Variants in ABLIM3 observed in about 807,000 individuals in gnomAD.
The protein encoded by ABLIM3 is actin binding LIM protein family member 3, also known as actin-binding LIM protein 3.
Under a neutral mutation model 109.5 loss-of-function variants are expected in ABLIM3, and 61 were observed. The observed-to-expected ratio is 0.56, with a 90% CI of 0.45 to 0.69. The LOEUF is 0.69. ABLIM3 is among the 30% of genes least tolerant of loss of function. The probability of loss-of-function intolerance (pLI) is 0.00; values close to 1 mark genes in which losing one functional copy is unlikely to be tolerated. For synonymous variants in ABLIM3, 300 were observed against 324.8 expected, an observed-to-expected ratio of 0.92 and a Z score of 0.82; for missense variants, 796 against 889.5, an observed-to-expected ratio of 0.89 and a Z score of 1.34.
At chr5:149,163,153 G>C (rs1754529779) in intron 2 of ABLIM3, among the ~76,000 whole-genome samples, 1 of 152,212 alleles carries the variant, frequency 6.6e-6, no homozygotes, top group African/African-American at 2.4e-5. Context: ...ACTGGAGGTG[G>C]TGGGAGTCCG....
At chr5:149,178,340 T>A (rs955688804) in intron 2 of ABLIM3, among the ~76,000 whole-genome samples, 2 of 152,072 alleles carry the variant, frequency 1.3e-5, no homozygotes, top group African/African-American at 4.8e-5. Context: ...CCTGCATGGT[T>A]ATGTGTGGCA....
At position 149,221,515 on chromosome 5, in the gene ABLIM3, G is replaced by T. The variant is rs187157321; in HGVS notation, c.757+4469G>T. 5.3e-5 allele frequency among the ~76,000 whole-genome samples: 8 copies of T among 152,290 alleles called. No individual in the cohort carries two copies. The East Asian group carries it at 1.5e-3, about 29-fold the overall frequency. Reference sequence around the variant, plus strand: ...TTCTGATGGGCTCTAATTGGGAGAAGTCTGACGTCTGTCTGGAGGAGAACT... The same window carrying T: ...TTCTGATGGGCTCTAATTGGGAGAATTCTGACGTCTGTCTGGAGGAGAACT... On this transcript the variant is annotated intron_variant, in intron 8 of 23. Coordinates refer to ENST00000309868, the MANE Select transcript of ABLIM3 (RefSeq NM_014945.5).
chr5:149,259,868 C>A lies in ABLIM3; in HGVS notation c.*1464C>A. 2.2e-6 allele frequency: 1 copy of A among 459,288 alleles called. No homozygotes were observed. Among genetic ancestry groups the A allele is most frequent in the Non-Finnish European group, 4.0e-6 (1 of 250,866 alleles). 28.5% of individuals were successfully genotyped at this position (459,288 alleles called of 1,614,324 possible). ...AAATGTAGAACTGACTTAAATTGAACAAACCCTCACTGAGCACCTCTGATG... is the reference window on the plus strand; with the variant it reads ...AAATGTAGAACTGACTTAAATTGAAAAAACCCTCACTGAGCACCTCTGATG... On this transcript the variant is annotated 3_prime_UTR_variant, in exon 24 of 24. Coordinates refer to ENST00000309868, the MANE Select transcript of ABLIM3 (RefSeq NM_014945.5).
intron 21 of ABLIM3, 157 bp downstream of exon 21, chr5:149,251,576 C>A: frequency 1.2e-6 from 1 of 852,518 alleles, no homozygotes. Flanking sequence ...TTCCCACCCC[C>A]TCCCTTTTCC....
intron 2 of ABLIM3, among the ~76,000 whole-genome samples, chr5:149,144,751 A>G (rs1752768516): frequency 6.6e-6 from 1 of 152,190 alleles, no homozygotes; most frequent in African/African-American, 2.4e-5. Flanking sequence ...TTGGGTTATG[A>G]AAGGTACTTG....
intron 10 of ABLIM3, among the ~76,000 whole-genome samples, chr5:149,235,796 G>C (rs1456043321): frequency 2.0e-5 from 3 of 152,184 alleles, no homozygotes; most frequent in Admixed American, 2.0e-4. Context: ...GAAATCAGGT[G>C]GCCTACCTCA....
At chr5:149,209,959 C>T (rs909780038) in intron 6 of ABLIM3, among the ~76,000 whole-genome samples, 132 of 147,090 alleles carry the variant, frequency 9.0e-4, no homozygotes, top group African/African-American at 3.2e-3. Context: ...GCCAAGTTCT[C>T]TTACACCCAA....
At chr5:149,224,332 TC>T (rs1760958871) in intron 8 of ABLIM3, among the ~76,000 whole-genome samples, 1 of 152,180 alleles carries the variant, frequency 6.6e-6, no homozygotes, top group Admixed American at 6.5e-5. Flanking sequence ...CCCCTTCTCA[TC>T]CTGCCCGATA....
At chr5:149,235,736 C>A (rs766012507) in intron 10 of ABLIM3, among the ~76,000 whole-genome samples, 7 of 152,136 alleles carry the variant, frequency 4.6e-5, no homozygotes, top group Non-Finnish European at 5.9e-5. Context: ...TACCCACACA[C>A]CCCCAGAACT....
chr5:149,177,994 A>C (rs1309741550), intron 2 of ABLIM3, among the ~76,000 whole-genome samples: 1 of 152,200 alleles, frequency 6.6e-6, no homozygotes, highest in Non-Finnish European at 1.5e-5. Context: ...GCTGGAATCC[A>C]AACCCAGCCC....
At chr5:149,213,243 GA>G (rs1173732726) in intron 7 of ABLIM3, among the ~76,000 whole-genome samples, 1 of 152,180 alleles carries the variant, frequency 6.6e-6, no homozygotes, top group Non-Finnish European at 1.5e-5. Context: ...GGATTTCCAA[GA>G]CAGAGGAAAG....
chr5:149,152,220 C>T (rs948982397), intron 2 of ABLIM3, among the ~76,000 whole-genome samples: 1 of 152,198 alleles, frequency 6.6e-6, no homozygotes, highest in Admixed American at 6.5e-5. Context: ...ACAATTATCA[C>T]TTCCTATTAA....
intron 3 of ABLIM3, among the ~76,000 whole-genome samples, chr5:149,195,102 T>G (rs182027919): frequency 2.8e-4 from 43 of 152,118 alleles, no homozygotes; most frequent in African/African-American, 8.9e-4. Context: ...TATGACAGAG[T>G]CTTGCACTTT....
intron 10 of ABLIM3, among the ~76,000 whole-genome samples, chr5:149,234,064 A>G (rs1387593458): frequency 1.3e-5 from 2 of 152,228 alleles, no homozygotes; most frequent in African/African-American, 4.8e-5. Flanking sequence ...GCCTGTCCTC[A>G]TGACATTGAA....
chr5:149,240,354 A>G (rs574968283), intron 13 of ABLIM3: 83 of 420,038 alleles, frequency 2.0e-4, no homozygotes, highest in African/African-American at 1.6e-3. Flanking sequence ...GGGAGCGTCC[A>G]AAAGGGGGAG....
intron 10 of ABLIM3, among the ~76,000 whole-genome samples, chr5:149,236,488 G>T (rs13161083): frequency 0.054 from 8,219 of 152,152 alleles, 319 homozygotes; most frequent in Non-Finnish European, 0.083. Flanking sequence ...CAAACACCAG[G>T]TCACAGAGGG....
intron 8 of ABLIM3, chr5:149,219,688 C>A (rs1054372084): frequency 6.6e-6 from 1 of 152,246 alleles, no homozygotes; most frequent in Non-Finnish European, 1.5e-5. Flanking sequence ...TTGAGTGATT[C>A]CTGCTGCAGG....
At chr5:149,189,379 T>G (rs1417889458) in intron 3 of ABLIM3, among the ~76,000 whole-genome samples, 7 of 152,138 alleles carry the variant, frequency 4.6e-5, no homozygotes, top group Non-Finnish European at 8.8e-5. Context: ...ATTTAAAACT[T>G]TTGTGCTTCA....
chr5:149,173,447 A>G lies in ABLIM3; in HGVS notation c.14-10005A>G, dbSNP rs963236606. Among the ~76,000 whole-genome samples, 6 of 152,096 alleles carry G rather than the reference A, an allele frequency of 3.9e-5. No homozygotes were observed. The East Asian group carries it at 7.7e-4, about 20-fold the overall frequency. ...CTGATCTGAAACTGGAACTTCCCCA[A>G]TGTTTCCTGCTTGTCCTGGTGTGGC... On this transcript the variant is annotated intron_variant, in intron 2 of 23. Transcript: ENST00000309868.
Sources: gnomAD v4.1 joint callset for allele counts (sites outside exome capture counted in the v4.1 genomes callset) on GRCh38, gnomAD v4.1.1 for gene constraint, MANE v1.5 for transcripts, NCBI Gene and HGNC (gene_info 2026-07-23, HGNC 2026-07-21) for gene names.